The following ENO1 variants were observed in gnomAD, a reference collection of about 807,000 sequenced individuals.
ENO1 encodes alpha-enolase.
Under a neutral mutation model 46.3 loss-of-function variants are expected in ENO1, and 33 were observed. That is an observed-to-expected ratio of 0.71 (90% confidence interval 0.54 to 0.95). The LOEUF is 0.95. Ranked by LOEUF, ENO1 falls within the 40% of genes least tolerant of loss-of-function variation. The probability of loss-of-function intolerance (pLI) is 0.00; values close to 1 mark genes in which losing one functional copy is unlikely to be tolerated. For missense variants in ENO1, 488 were observed against 553.3 expected (o/e 0.88, Z 1.18); for synonymous variants, 220 against 216.0 (o/e 1.02, Z -0.16).
chr1:8,869,793 C>T (rs554023286), intron 4 of ENO1, among the ~76,000 whole-genome samples: 4 of 152,128 alleles, frequency 2.6e-5, no homozygotes, highest in Non-Finnish European at 5.9e-5. Flanking sequence ...CTCCTGACCT[C>T]AAGTGATCCA....
At chr1:8,876,843 G>A (rs1247548639) in intron 1 of ENO1, among the ~76,000 whole-genome samples, 7 of 118,808 alleles carry the variant, frequency 5.9e-5, no homozygotes, top group Non-Finnish European at 1.3e-4. Context: ...AATAAAGTGT[G>A]ATTTTTTTTT....
chr1:8,867,133 A>C lies in ENO1; in HGVS notation c.428T>G (p.Val143Gly), dbSNP rs772632044. Residue 143 changes from valine to glycine, a missense_variant, in exon 6 of 12, where the codon GTC becomes GGC. By Grantham distance (109) the Val-to-Gly change is moderately radical. Transcript: ENST00000234590. ...HIADLAGNSE[V>G]ILPVPAFNVI... ...ACCACTCACCGGGACTGGCAGGATG[A>C]CTTCAGAGTTGCCAGCCAAGTCAGC... The C allele has an allele frequency of 6.2e-7, 1 of 1,613,930 alleles. No individual in the cohort carries two copies. The highest frequency in any genetic ancestry group is 1.7e-5 in the Admixed American group (1 of 60,012).
intron 1 of ENO1, 141 bp from the exon 2 acceptor site, chr1:8,875,058 G>C: frequency 1.6e-6 from 1 of 636,838 alleles, no homozygotes. Context: ...AAGCTGGCTA[G>C]GGTGGGGGGA....
In ENO1 at chr1:8,871,859, G is replaced by T. The variant is rs768622964; in HGVS notation, c.181+32C>A. On this transcript the variant is annotated intron_variant, in intron 3 of 11. Coordinates refer to ENST00000234590, the MANE Select transcript of ENO1 (RefSeq NM_001428.5). Reference sequence around the variant, plus strand: ...AGGCCAGGAATGGGGCTGGAAGCAGGGAGGCCATGGGCTGTGGGTTCTAAG... The same window carrying T: ...AGGCCAGGAATGGGGCTGGAAGCAGTGAGGCCATGGGCTGTGGGTTCTAAG... The T allele has an allele frequency of 6.2e-6, 10 of 1,605,052 alleles. No homozygotes were observed. In the Admixed American group the frequency reaches 1.7e-4, roughly 27 times the overall value.
At chr1:8,867,940 G>A (rs1642557531) in intron 5 of ENO1, 48 bp downstream of exon 5, 1 of 1,542,790 alleles carries the variant, frequency 6.5e-7, no homozygotes, top group East Asian at 2.2e-5. Flanking sequence ...AAATCTTCAG[G>A]AGACTTCATG....
rs767059816 is a variant in ENO1, at chr1:8,867,164, G to A, written c.397C>T (p.His133Tyr). The change falls in exon 6 of 12, where the codon CAC becomes TAC. Residue 133 changes from histidine to tyrosine, a missense_variant. By Grantham distance (83) the His-to-Tyr change is moderately conservative. Transcript: ENST00000234590. ...AVEKGVPLYR[H>Y]IADLAGNSEV... ...GAGTTGCCAGCCAAGTCAGCGATGT[G>A]GCGGTACAGGGGGACCCCCTTCTCA... 1.2e-6 allele frequency: 2 copies of A among 1,614,180 alleles called. No homozygotes were observed. The highest frequency in any genetic ancestry group is 1.7e-6 in the Non-Finnish European group (2 of 1,180,006).
intron 2 of ENO1, 57 bp downstream of exon 2, chr1:8,874,767 A>AT: frequency 6.6e-7 from 1 of 1,508,318 alleles, no homozygotes; most frequent in Non-Finnish European, 9.0e-7. Flanking sequence ...TTTGTAGAAA[A>AT]TTTTTAAAAT....
In ENO1 at chr1:8,861,337, C is replaced by CG. The variant is rs779444933; in HGVS notation, c.*22dup. On this transcript the variant is annotated 3_prime_UTR_variant, in exon 12 of 12. Coordinates refer to ENST00000234590, the MANE Select transcript of ENO1 (RefSeq NM_001428.5). Reference sequence around the variant, plus strand: ...GGGGTCTGTGTAGCCAACAGGTGACCGAAGGGCTTGCCTGCCCACAGCTTA... The same window carrying CG: ...GGGGTCTGTGTAGCCAACAGGTGACCGGAAGGGCTTGCCTGCCCACAGCTTA... The CG allele has an allele frequency of 5.0e-6, 8 of 1,612,948 alleles. No homozygotes were observed. In the African/African-American group the frequency reaches 9.3e-5, roughly 19 times the overall value.
At chr1:8,877,334 G>C (rs187972586) in intron 1 of ENO1, among the ~76,000 whole-genome samples, 4 of 151,712 alleles carry the variant, frequency 2.6e-5, no homozygotes, top group Non-Finnish European at 4.4e-5. Flanking sequence ...TGATCCTGAG[G>C]AGGCCCACCT....
chr1:8,868,495 G>A (rs1290304273), intron 4 of ENO1, among the ~76,000 whole-genome samples: 1 of 152,104 alleles, frequency 6.6e-6, no homozygotes, highest in African/African-American at 2.4e-5. Context: ...CTCACTCTTG[G>A]CTAACTGCAA....
intron 7 of ENO1, 35 bp from the exon 8 acceptor site, chr1:8,865,517 A>T: frequency 6.2e-7 from 1 of 1,607,036 alleles, no homozygotes. Context: ...TTTGGAAAAC[A>T]GGTAGGTACA....
At chr1:8,870,148 T>C (rs1642600205) in intron 4 of ENO1, 1 of 411,192 alleles carries the variant, frequency 2.4e-6, no homozygotes, top group Admixed American at 3.5e-5. Context: ...CAAACACCCC[T>C]GAGAGCCACT....
Position 8,870,469 on chromosome 1 carries a change from G to T in ENO1, c.223C>A (p.Pro75Thr), listed in dbSNP as rs146938354. Reference sequence around the variant, plus strand: ...GGTCCTACCTTGCTAACCAGGGCAGGCGCAATAGTTTTATTGATGTGCTCA... The same window carrying T: ...GGTCCTACCTTGCTAACCAGGGCAGTCGCAATAGTTTTATTGATGTGCTCA... ...AVEHINKTIA[P>T]ALVSKKLNVT... Residue 75 changes from proline to threonine, a missense_variant, in exon 4 of 12, where the codon CCT (proline) becomes ACT (threonine). Transcript: ENST00000234590. The T allele has an allele frequency of 1.2e-6, 2 of 1,614,058 alleles. No homozygotes were observed. Among genetic ancestry groups the T allele is most frequent in the African/African-American group, 2.7e-5 (2 of 74,928 alleles).
intron 1 of ENO1, among the ~76,000 whole-genome samples, chr1:8,876,970 C>G (rs533175100): frequency 5.6e-4 from 85 of 151,266 alleles, no homozygotes; most frequent in Non-Finnish European, 9.0e-4. Context: ...GGATTACAGG[C>G]GCCTGCCATT....
chr1:8,861,164 A>C lies in ENO1; in HGVS notation c.*196T>G. On this transcript the variant is annotated 3_prime_UTR_variant, in exon 12 of 12. Transcript: ENST00000234590. ...GGGCCAATTACACGACTGCAAAGCT[A>C]GAGCTGCCAACAGGGCTCCAGGGAG... 1.8e-6 allele frequency: 1 copy of C among 553,090 alleles called. No individual in the cohort carries two copies. Among genetic ancestry groups the C allele is most frequent in the East Asian group, 2.9e-5 (1 of 34,028 alleles). 34.3% of individuals were successfully genotyped at this position (553,090 alleles called of 1,614,324 possible).
At chr1:8,871,543 C>A in intron 3 of ENO1, 1 of 1,055,200 alleles carries the variant, frequency 9.5e-7, no homozygotes, top group Non-Finnish European at 1.1e-6. Context: ...GCCCACAGAA[C>A]CCTCCTGGGA....
At position 8,863,362 on chromosome 1, in the gene ENO1, C is replaced by A. The variant is rs1426201803; in HGVS notation, c.1068-19G>T. ...CTTGCACCTGGAAGCCAAGGAACAACCCAGATGGCATGATCCCATTTTCTG... is the reference window on the plus strand; with the variant it reads ...CTTGCACCTGGAAGCCAAGGAACAAACCAGATGGCATGATCCCATTTTCTG... On this transcript the variant is annotated intron_variant, in intron 9 of 11. Coordinates refer to ENST00000234590, the MANE Select transcript of ENO1 (RefSeq NM_001428.5). 3 of 1,605,846 alleles carry A rather than the reference C, an allele frequency of 1.9e-6. No individual in the cohort carries two copies. The Admixed American group carries it at 5.1e-5, about 28-fold the overall frequency.
Position 8,874,845 on chromosome 1 carries a change from C to T in ENO1, c.64G>A (p.Val22Ile). 2 of 1,613,478 alleles carry T rather than the reference C, an allele frequency of 1.2e-6. No homozygotes were observed. The highest frequency in any genetic ancestry group is 1.7e-6 in the Non-Finnish European group (2 of 1,179,730). ...FDSRGNPTVE[V>I]DLFTSKGLFR... ...ATACCTTTTGAGGTGAAGAGATCAA[C>T]CTCAACAGTGGGATTCCCGCGAGAG... Residue 22 changes from valine (V) to isoleucine (I), a missense_variant, in exon 2 of 12, where the codon GTT becomes ATT. Val to Ile is a conservative substitution (Grantham distance 29). Transcript: ENST00000234590.
intron 6 of ENO1, among the ~76,000 whole-genome samples, chr1:8,866,785 G>T (rs951105308): frequency 6.6e-6 from 1 of 152,216 alleles, no homozygotes; most frequent in Admixed American, 6.5e-5. Flanking sequence ...GGGACTACAG[G>T]TGTGCGCTAC....
Sources: allele counts gnomAD v4.1 joint callset (sites outside exome capture counted in the v4.1 genomes callset), GRCh38; gene constraint gnomAD v4.1.1; transcripts MANE v1.5; gene names NCBI Gene and HGNC (gene_info 2026-07-23, HGNC 2026-07-21).